Variants in OPCML observed in about 807,000 individuals in gnomAD.
OPCML encodes opioid-binding protein/cell adhesion molecule.
A neutral mutation model predicts 37.8 loss-of-function variants in OPCML; 13 were observed. The observed-to-expected ratio is 0.34, with a 90% CI of 0.22 to 0.55. OPCML has a LOEUF of 0.55. Ranked by LOEUF, OPCML falls within the 20% of genes least tolerant of loss-of-function variation. The probability of loss-of-function intolerance (pLI) is 0.91; values close to 1 mark genes in which losing one functional copy is unlikely to be tolerated. For missense variants in OPCML, 341 were observed against 435.6 expected (o/e 0.78, Z 1.93); for synonymous variants, 176 against 168.8 (o/e 1.04, Z -0.33).
At chr11:133,028,639 T>C (rs1431801860) in intron 1 of OPCML, among the ~76,000 whole-genome samples, 3 of 151,894 alleles carry the variant, frequency 2.0e-5, no homozygotes, top group Non-Finnish European at 2.9e-5. Flanking sequence ...TAAAACTCAT[T>C]TGTCTGGCAA....
chr11:133,342,029 G>C (rs751198745), intron 1 of OPCML, among the ~76,000 whole-genome samples: 2 of 152,108 alleles, frequency 1.3e-5, no homozygotes, highest in Non-Finnish European at 2.9e-5. Flanking sequence ...AGGAGGACTC[G>C]ACAGAAGTTG....
chr11:132,698,598 G>T (rs879712021), intron 2 of OPCML, among the ~76,000 whole-genome samples: 17 of 152,056 alleles, frequency 1.1e-4, no homozygotes, highest in Non-Finnish European at 1.5e-5. Flanking sequence ...TCTTCACTCT[G>T]TTGATTATTT....
chr11:133,174,487 T>C lies in OPCML; in HGVS notation c.62-231477A>G, dbSNP rs1239650610. On this transcript the variant is annotated intron_variant, in intron 1 of 7. Transcript: ENST00000524381. The surrounding 1 kb of genome is among the most constrained non-coding windows in gnomAD (Gnocchi z 4.6). ...ATACCAACATTTAATTGTAATGACG[T>C]AAAGGTGATTATGAACATTACGATT... 6.6e-6 allele frequency among the ~76,000 whole-genome samples: 1 copy of C among 152,102 alleles called. No individual in the cohort carries two copies. Among genetic ancestry groups the C allele is most frequent in the Non-Finnish European group, 1.5e-5 (1 of 68,030 alleles).
chr11:133,192,486 C>T (rs1031082844), intron 1 of OPCML, among the ~76,000 whole-genome samples: 4 of 152,224 alleles, frequency 2.6e-5, no homozygotes, highest in Non-Finnish European at 5.9e-5. Flanking sequence ...TTCTATTACC[C>T]TTGCAGTTAC....
chr11:132,695,812 GA>G (rs923425781), intron 2 of OPCML, among the ~76,000 whole-genome samples: 6 of 152,310 alleles, frequency 3.9e-5, no homozygotes, highest in African/African-American at 1.4e-4. Flanking sequence ...GGACTTTCAA[GA>G]AAATCCTAGA....
At chr11:133,503,420 T>A (rs1947959493) in intron 1 of OPCML, among the ~76,000 whole-genome samples, 1 of 152,164 alleles carries the variant, frequency 6.6e-6, no homozygotes, top group Non-Finnish European at 1.5e-5. Context: ...CCACAGCTCC[T>A]CCAAGCCCAG....
chr11:133,033,390 G>A (rs1271069614), intron 1 of OPCML, among the ~76,000 whole-genome samples: 1 of 152,158 alleles, frequency 6.6e-6, no homozygotes, highest in African/African-American at 2.4e-5. Flanking sequence ...GCTCATTTAG[G>A]ACTATGCATT....
At chr11:132,516,237 G>A (rs571604006) in intron 4 of OPCML, among the ~76,000 whole-genome samples, 2 of 152,286 alleles carry the variant, frequency 1.3e-5, no homozygotes, top group South Asian at 4.1e-4. Context: ...GGGGGAAATG[G>A]AAGAAAAATG....
chr11:133,477,595 T>G (rs1478845031), intron 1 of OPCML, among the ~76,000 whole-genome samples: 1 of 152,142 alleles, frequency 6.6e-6, no homozygotes, highest in Non-Finnish European at 1.5e-5. Flanking sequence ...ACAGGACCTT[T>G]TCTACACTGT....
At chr11:133,262,643 C>T (rs535896603) in intron 1 of OPCML, among the ~76,000 whole-genome samples, 18 of 152,284 alleles carry the variant, frequency 1.2e-4, no homozygotes, top group East Asian at 9.7e-4. Context: ...TCTTTGCCAA[C>T]GCTATGAATA....
At chr11:132,639,392 G>A (rs888793816) in intron 3 of OPCML, among the ~76,000 whole-genome samples, 9 of 152,320 alleles carry the variant, frequency 5.9e-5, no homozygotes, top group African/African-American at 1.7e-4. Flanking sequence ...GGACATGTGA[G>A]CAGGACAAGG....
At chr11:132,671,536 C>T (rs759405314) in intron 2 of OPCML, among the ~76,000 whole-genome samples, 1 of 152,180 alleles carries the variant, frequency 6.6e-6, no homozygotes, top group Admixed American at 6.5e-5. Flanking sequence ...ACTCTCTGAA[C>T]TGCTCCGAGG....
At chr11:133,414,727 C>A (rs1428224961) in intron 1 of OPCML, among the ~76,000 whole-genome samples, 3 of 152,132 alleles carry the variant, frequency 2.0e-5, no homozygotes, top group Non-Finnish European at 4.4e-5. Flanking sequence ...CCGTTCCCAG[C>A]TCTTCCCTGC....
At chr11:132,673,349 G>A (rs1173676013) in intron 2 of OPCML, among the ~76,000 whole-genome samples, 3 of 152,158 alleles carry the variant, frequency 2.0e-5, no homozygotes, top group Admixed American at 6.5e-5. Context: ...AGATCACAGA[G>A]AGATGGAAGT....
intron 4 of OPCML, among the ~76,000 whole-genome samples, chr11:132,506,944 CAG>C (rs1316910325): frequency 1.3e-5 from 2 of 151,672 alleles, no homozygotes; most frequent in African/African-American, 2.4e-5. Flanking sequence ...AAAAAGATAA[CAG>C]AATATATTTC....
chr11:132,552,763 CT>C (rs562056846), intron 3 of OPCML, among the ~76,000 whole-genome samples: 1,431 of 92,776 alleles, frequency 0.015, 95 homozygotes, highest in African/African-American at 0.018. Flanking sequence ...AAACACTACT[CT>C]TTTTTTTTTT....
chr11:133,292,923 G>A (rs769175563), intron 1 of OPCML, among the ~76,000 whole-genome samples: 1 of 152,172 alleles, frequency 6.6e-6, no homozygotes, highest in Non-Finnish European at 1.5e-5. Flanking sequence ...CTGGGGAAGA[G>A]AGGTGTGATA....
At chr11:132,574,393 T>C (rs973904681) in intron 3 of OPCML, among the ~76,000 whole-genome samples, 8 of 151,750 alleles carry the variant, frequency 5.3e-5, no homozygotes, top group African/African-American at 1.9e-4. Context: ...TATGCATTTA[T>C]CACTATGAAC....
At chr11:132,836,429 G>T (rs976819054) in intron 2 of OPCML, among the ~76,000 whole-genome samples, 2 of 152,122 alleles carry the variant, frequency 1.3e-5, no homozygotes, top group African/African-American at 4.8e-5. Context: ...TAACATAACT[G>T]TCTTAAGGCT....
Sources: gnomAD v4.1 joint callset for allele counts (sites outside exome capture counted in the v4.1 genomes callset) on GRCh38, gnomAD v4.1.1 for gene constraint, Gnocchi (gnomAD v3.1) non-coding constraint, MANE v1.5 for transcripts, NCBI Gene and HGNC (gene_info 2026-07-23, HGNC 2026-07-21) for gene names.